CAMK1D: variants seen among roughly 807,000 people sequenced by gnomAD.
CAMK1D encodes the protein calcium/calmodulin-dependent protein kinase type 1D.
Under a neutral mutation model 47.7 loss-of-function variants are expected in CAMK1D, and 9 were observed. The ratio of observed to expected loss-of-function variants is 0.19; its 90% CI spans 0.11 to 0.33. The LOEUF is 0.33. Ranked by LOEUF, CAMK1D falls within the 10% of genes least tolerant of loss-of-function variation. CAMK1D has a pLI of 1.00. For synonymous variants in CAMK1D, 184 were observed against 184.9 expected (o/e 0.99, Z 0.04); for missense variants, 291 against 488.7 (o/e 0.60, Z 3.81).
intron 1 of CAMK1D, among the ~76,000 whole-genome samples, chr10:12,499,309 A>T (rs1273796752): frequency 1.3e-5 from 2 of 152,010 alleles, no homozygotes; most frequent in African/African-American, 4.8e-5. Flanking sequence ...GTCTCATTTC[A>T]TTGCCAGGAG....
At chr10:12,543,432 G>A (rs1240484241) in intron 1 of CAMK1D, among the ~76,000 whole-genome samples, 1 of 152,204 alleles carries the variant, frequency 6.6e-6, no homozygotes, top group Non-Finnish European at 1.5e-5. Context: ...GATAGAAACA[G>A]ATTCTCATTT....
chr10:12,434,190 T>A (rs777664890), intron 1 of CAMK1D, among the ~76,000 whole-genome samples: 3 of 152,124 alleles, frequency 2.0e-5, no homozygotes, highest in Non-Finnish European at 2.9e-5. Context: ...AGTCCTAAGA[T>A]TTTTCTCTTC....
rs559529011 is a variant in CAMK1D, at chr10:12,427,311, C to T, written c.92+77401C>T. ...GGCAAAAGGGGCCAGGGGAGGACCT[C>T]GGAGAGTCCTGGAGCCATGGCAGGT... On this transcript the variant is annotated intron_variant, in intron 1 of 10. Coordinates refer to ENST00000619168, the MANE Select transcript of CAMK1D (RefSeq NM_153498.4). 1.5e-3 allele frequency among the ~76,000 whole-genome samples: 226 copies of T among 152,302 alleles called. 3 individuals carry two copies. Among genetic ancestry groups the T allele is most frequent in the African/African-American group, 5.1e-3 (214 of 41,570 alleles).
intron 1 of CAMK1D, among the ~76,000 whole-genome samples, chr10:12,447,073 G>A (rs1832945242): frequency 6.6e-6 from 1 of 152,118 alleles, no homozygotes; most frequent in Non-Finnish European, 1.5e-5. Flanking sequence ...CAGTGTTTGG[G>A]TCTAAGTTTT....
At chr10:12,764,529 AC>A (rs759509370) in intron 4 of CAMK1D, among the ~76,000 whole-genome samples, 8 of 151,918 alleles carry the variant, frequency 5.3e-5, no homozygotes, top group Non-Finnish European at 1.0e-4. Context: ...CCCTTTGGCC[AC>A]CCCTTGCCAG....
chr10:12,479,283 G>A (rs1181094091), intron 1 of CAMK1D, among the ~76,000 whole-genome samples: 1 of 151,910 alleles, frequency 6.6e-6, no homozygotes, highest in East Asian at 1.9e-4. Context: ...TGCAACCTCT[G>A]CCTCCTGGGT....
chr10:12,694,186 T>TGC lies in CAMK1D; in HGVS notation c.299+27376_299+27377insGC, dbSNP rs1254512620. Reference sequence around the variant, plus strand: ...TATGCATAATATATATTATATATAATATAATATATATTATATATTATGTAT... The same window carrying TGC: ...TATGCATAATATATATTATATATAATGCATAATATATATTATATATTATGTAT... On this transcript the variant is annotated intron_variant, in intron 3 of 10. Transcript: ENST00000619168. 4.7e-5 allele frequency among the ~76,000 whole-genome samples: 2 copies of TGC among 42,304 alleles called. 1 individual carries two copies. The highest frequency in any genetic ancestry group is 2.1e-4 in the African/African-American group (2 of 9,534). The allele number at this position is 42,304 out of a possible 152,430, so 27.8% of individuals were successfully genotyped here.
intron 3 of CAMK1D, among the ~76,000 whole-genome samples, chr10:12,757,791 A>G (rs972078258): frequency 6.6e-6 from 1 of 151,020 alleles, no homozygotes; most frequent in Non-Finnish European, 1.5e-5. Context: ...CACATGGTAA[A>G]GAGAGAGTTC....
chr10:12,542,476 T>C (rs1458416544), intron 1 of CAMK1D, among the ~76,000 whole-genome samples: 1 of 152,224 alleles, frequency 6.6e-6, no homozygotes, highest in Non-Finnish European at 1.5e-5. Flanking sequence ...TGATTATTTC[T>C]TGGTCTAATT....
intron 1 of CAMK1D, among the ~76,000 whole-genome samples, chr10:12,463,699 T>C (rs1833505395): frequency 6.6e-6 from 1 of 152,282 alleles, no homozygotes; most frequent in African/African-American, 2.4e-5. Flanking sequence ...GGCTGATGTG[T>C]ATCGCCCCCT....
intron 3 of CAMK1D, among the ~76,000 whole-genome samples, chr10:12,670,074 C>T (rs1437030125): frequency 6.8e-6 from 1 of 148,062 alleles, no homozygotes; most frequent in Non-Finnish European, 1.5e-5. Flanking sequence ...ATGTTGCGTT[C>T]AACTTTTTAA....
chr10:12,559,342 G>A (rs541360811), intron 2 of CAMK1D, among the ~76,000 whole-genome samples: 4 of 152,166 alleles, frequency 2.6e-5, no homozygotes, highest in Non-Finnish European at 4.4e-5. Context: ...CCCCATTCAC[G>A]ACCAATCGAG....
chr10:12,720,309 A>C (rs1450976823), intron 3 of CAMK1D, among the ~76,000 whole-genome samples: 1 of 152,186 alleles, frequency 6.6e-6, no homozygotes, highest in Non-Finnish European at 1.5e-5. Context: ...TATCAGTGAG[A>C]GAAGAGGCTG....
chr10:12,610,383 C>T (rs1253484902), intron 2 of CAMK1D, among the ~76,000 whole-genome samples: 1 of 152,114 alleles, frequency 6.6e-6, no homozygotes, highest in East Asian at 1.9e-4. Context: ...TTTGTCCCTC[C>T]CCTCCTTTCT....
intron 3 of CAMK1D, among the ~76,000 whole-genome samples, chr10:12,687,250 T>C (rs1832702608): frequency 6.6e-6 from 1 of 151,986 alleles, no homozygotes; most frequent in African/African-American, 2.4e-5. Flanking sequence ...AGCTATTCTC[T>C]TTGATTTATT....
At chr10:12,491,476 A>T (rs754047015) in intron 1 of CAMK1D, among the ~76,000 whole-genome samples, 2 of 151,928 alleles carry the variant, frequency 1.3e-5, no homozygotes, top group Non-Finnish European at 2.9e-5. Context: ...ATGTATATAT[A>T]TTTTTTTGTT....
intron 2 of CAMK1D, among the ~76,000 whole-genome samples, chr10:12,630,555 T>A (rs1327930765): frequency 6.6e-6 from 1 of 151,980 alleles, no homozygotes; most frequent in Non-Finnish European, 1.5e-5. Context: ...TTATTTTATT[T>A]TATTTTGTTT....
intron 1 of CAMK1D, among the ~76,000 whole-genome samples, chr10:12,381,364 C>T (rs539124375): frequency 1.5e-4 from 21 of 142,626 alleles, no homozygotes; most frequent in Non-Finnish European, 2.7e-4. Context: ...TTTTTTGAGA[C>T]GGATTCTCCT....
At chr10:12,410,282 T>C (rs1458928413) in intron 1 of CAMK1D, among the ~76,000 whole-genome samples, 1 of 152,218 alleles carries the variant, frequency 6.6e-6, no homozygotes, top group Non-Finnish European at 1.5e-5. Flanking sequence ...TCTGTCTCTT[T>C]CTGTGTGTGT....
Sources: allele counts gnomAD v4.1 joint callset (sites outside exome capture counted in the v4.1 genomes callset), GRCh38; gene constraint gnomAD v4.1.1; transcripts MANE v1.5; gene names NCBI Gene and HGNC (gene_info 2026-07-23, HGNC 2026-07-21).